CYP2C8: variants seen among roughly 807,000 people sequenced by gnomAD.
CYP2C8 encodes cytochrome P450 2C8.
A neutral mutation model predicts 41.3 loss-of-function variants in CYP2C8; 51 were observed. That is an observed-to-expected ratio of 1.24 (90% CI 0.99 to 1.56). The LOEUF (loss-of-function observed/expected upper bound fraction) is 1.56. CYP2C8 is among the 40% of genes most tolerant of loss of function. The pLI is 0.00. For missense variants in CYP2C8, 651 were observed against 579.9 expected (o/e 1.12, Z -1.26); for synonymous variants, 218 against 205.8 (o/e 1.06, Z -0.51).
chr10:95,049,254 C>T (rs1177539071), intron 5 of CYP2C8, among the ~76,000 whole-genome samples: 1 of 151,872 alleles, frequency 6.6e-6, no homozygotes, highest in South Asian at 2.1e-4. Flanking sequence ...CAAGCAAAGA[C>T]ATCAGTTTAA....
intron 8 of CYP2C8, 73 bp from the exon 9 acceptor site, chr10:95,037,382 C>CAA: frequency 2.3e-6 from 3 of 1,317,960 alleles, no homozygotes; most frequent in Non-Finnish European, 2.2e-6. Flanking sequence ...TCATTTGTGA[C>CAA]TTGCACAAAC....
rs189470024 is a variant in CYP2C8 at position 95,047,100 on chromosome 10, G to A, written c.820-1149C>T. On this transcript the variant is annotated intron_variant, in intron 5 of 8. Coordinates refer to ENST00000371270, the MANE Select transcript of CYP2C8 (RefSeq NM_000770.3). Reference sequence around the variant, plus strand: ...CTTGCTTCTCCTCTTGCCATGTGACGTGCCTGTTCCTGCTTTGCCTTCTGC... The same window carrying A: ...CTTGCTTCTCCTCTTGCCATGTGACATGCCTGTTCCTGCTTTGCCTTCTGC... Among the ~76,000 whole-genome samples the A allele has an allele frequency of 8.5e-5, 13 of 152,130 alleles. No individual in the cohort carries two copies. In the East Asian group the frequency reaches 9.7e-4, roughly 11 times the overall value.
At chr10:95,061,176 C>A (rs1243534209) in intron 4 of CYP2C8, among the ~76,000 whole-genome samples, 1 of 152,130 alleles carries the variant, frequency 6.6e-6, no homozygotes, top group Admixed American at 6.6e-5. Flanking sequence ...AGGGAGGATT[C>A]CCTCTTTTTC....
chr10:95,052,490 T>TA (rs34368926), intron 5 of CYP2C8, among the ~76,000 whole-genome samples: 32,490 of 148,428 alleles, frequency 0.22, 3,914 homozygotes, highest in Non-Finnish European at 0.29. Context: ...AAAGACACAT[T>TA]AAAAAAAAAA....
chr10:95,039,785 T>C (rs1663733880), intron 7 of CYP2C8, among the ~76,000 whole-genome samples: 1 of 152,196 alleles, frequency 6.6e-6, no homozygotes, highest in Non-Finnish European at 1.5e-5. Context: ...AACCTTATTA[T>C]GTGGGGAACT....
At position 95,041,866 on chromosome 10, in the gene CYP2C8, G is replaced by A. The variant is rs990224319; in HGVS notation, c.1149+1024C>T. Among the ~76,000 whole-genome samples, 3 of 150,868 alleles carry A rather than the reference G, an allele frequency of 2.0e-5. No homozygotes were observed. In the East Asian group the frequency reaches 5.9e-4, roughly 30 times the overall value. The stretch of plus-strand genomic sequence containing the variant: ...TGGGCTCTGCTCCCTGCCATCCCCA[G>A]TTTGCTAGCCTTATTTAGGGAAGGT... On this transcript the variant is annotated intron_variant, in intron 7 of 8. Transcript: ENST00000371270.
chr10:95,068,800 C>T (rs1415974329), intron 1 of CYP2C8, among the ~76,000 whole-genome samples: 5 of 152,200 alleles, frequency 3.3e-5, no homozygotes, highest in Admixed American at 2.6e-4. Context: ...GTGGCTCACA[C>T]ATGTAATCCC....
intron 4 of CYP2C8, among the ~76,000 whole-genome samples, chr10:95,061,437 T>C (rs1300244653): frequency 1.3e-5 from 2 of 152,202 alleles, no homozygotes; most frequent in Admixed American, 6.5e-5. Flanking sequence ...GTAGAGGTGT[T>C]TATAGTATGC....
chr10:95,067,155 C>A, intron 3 of CYP2C8, 53 bp downstream of exon 3: 1 of 1,613,196 alleles, frequency 6.2e-7, no homozygotes, highest in Non-Finnish European at 8.5e-7. Flanking sequence ...AAGGACGTCA[C>A]TAGTGAAGAC....
intron 5 of CYP2C8, among the ~76,000 whole-genome samples, chr10:95,048,734 T>C (rs947173): frequency 0.38 from 57,419 of 151,932 alleles, 11,231 homozygotes; most frequent in Middle Eastern, 0.51. Context: ...CTGGTAGCTG[T>C]GGGATTTGTG....
chr10:95,040,040 G>C (rs934422398), intron 7 of CYP2C8, among the ~76,000 whole-genome samples: 2 of 152,040 alleles, frequency 1.3e-5, no homozygotes, highest in African/African-American at 2.4e-5. Context: ...GAGGTGAAAA[G>C]GTCAACATAA....
intron 4 of CYP2C8, among the ~76,000 whole-genome samples, chr10:95,062,054 T>C (rs2033448396): frequency 6.6e-6 from 1 of 152,206 alleles, no homozygotes; most frequent in Admixed American, 6.5e-5. Flanking sequence ...AGTGCTTTAC[T>C]TCCAACTATG....
chr10:95,066,149 A>G (rs1304919296), intron 3 of CYP2C8, among the ~76,000 whole-genome samples: 1 of 116,404 alleles, frequency 8.6e-6, no homozygotes, highest in South Asian at 3.0e-4. Flanking sequence ...AGAGAGAGAG[A>G]GAGAGTGTGT....
intron 5 of CYP2C8, among the ~76,000 whole-genome samples, chr10:95,053,239 T>C (rs1315425477): frequency 3.3e-5 from 5 of 152,136 alleles, no homozygotes; most frequent in Non-Finnish European, 5.9e-5. Context: ...CCAGTTAGAA[T>C]GGTGATCATT....
At chr10:95,039,194 G>T in intron 7 of CYP2C8, 156 bp from the exon 8 acceptor site, 1 of 688,618 alleles carries the variant, frequency 1.5e-6, no homozygotes, top group Non-Finnish European at 2.6e-6. Flanking sequence ...AAGGCCAGTG[G>T]TGGAAGCTTG....
Position 95,069,445 on chromosome 10 carries a change from C to T in CYP2C8, c.-43G>A. On this transcript the variant is annotated 5_prime_UTR_variant, in exon 1 of 9. Coordinates refer to ENST00000371270, the MANE Select transcript of CYP2C8 (RefSeq NM_000770.3). Reference sequence around the variant, plus strand: ...ATTAAGACAGCTGTGAGCTTGCACTCCAAAGTTTTTATAACACTCCCTGCT... The same window carrying T: ...ATTAAGACAGCTGTGAGCTTGCACTTCAAAGTTTTTATAACACTCCCTGCT... 2 of 1,559,232 alleles carry T rather than the reference C, an allele frequency of 1.3e-6. No individual in the cohort carries two copies. The highest frequency in any genetic ancestry group is 2.2e-5 in the South Asian group (2 of 89,392).
chr10:95,041,597 A>C (rs1306427391), intron 7 of CYP2C8, among the ~76,000 whole-genome samples: 1 of 151,096 alleles, frequency 6.6e-6, no homozygotes, highest in African/African-American at 2.4e-5. Flanking sequence ...CTGGCTAACA[A>C]GGTGAAACCC....
intron 5 of CYP2C8, among the ~76,000 whole-genome samples, chr10:95,047,395 G>A (rs1358662450): frequency 6.6e-6 from 1 of 152,098 alleles, no homozygotes; most frequent in Non-Finnish European, 1.5e-5. Flanking sequence ...TCAAGAGTTT[G>A]CAATTTTCTT....
chr10:95,054,505 A>G (rs1457320913), intron 5 of CYP2C8, among the ~76,000 whole-genome samples: 1 of 152,170 alleles, frequency 6.6e-6, no homozygotes, highest in Non-Finnish European at 1.5e-5. Context: ...AAAAGATCCA[A>G]GTATATCCAA....
Sources: allele counts gnomAD v4.1 joint callset (sites outside exome capture counted in the v4.1 genomes callset), GRCh38; gene constraint gnomAD v4.1.1; transcripts MANE v1.5; gene names NCBI Gene and HGNC (gene_info 2026-07-23, HGNC 2026-07-21).